The following CDH13 variants were observed in gnomAD, a reference collection of about 807,000 sequenced individuals.
CDH13 encodes cadherin 13.
Under a neutral mutation model 63.8 loss-of-function variants are expected in CDH13, and 24 were observed. The observed-to-expected ratio is 0.38, with a 90% CI of 0.27 to 0.53. The LOEUF (loss-of-function observed/expected upper bound fraction) is 0.53. CDH13 is among the 20% of genes least tolerant of loss of function. The pLI, the probability that CDH13 is intolerant of heterozygous loss-of-function variation, is 0.85. For synonymous variants in CDH13, 503 were observed against 355.3 expected (o/e 1.42, Z -4.67); for missense variants, 1,049 against 903.1 (o/e 1.16, Z -2.07).
chr16:83,583,014 C>G (rs1905774050), intron 7 of CDH13, among the ~76,000 whole-genome samples: 1 of 152,114 alleles, frequency 6.6e-6, no homozygotes, highest in Non-Finnish European at 1.5e-5. Context: ...CCCTGAAGTC[C>G]AAAATCAAAG....
At chr16:82,652,612 C>G (rs560783201) in intron 1 of CDH13, among the ~76,000 whole-genome samples, 3 of 148,872 alleles carry the variant, frequency 2.0e-5, no homozygotes, top group East Asian at 3.9e-4. Flanking sequence ...ATGAACCAAT[C>G]TAGAAAGATA....
intron 6 of CDH13, among the ~76,000 whole-genome samples, chr16:83,383,808 T>A (rs2091618357): frequency 6.6e-6 from 1 of 152,204 alleles, no homozygotes; most frequent in South Asian, 2.1e-4. Flanking sequence ...ATTGAGTGAC[T>A]TCCTCAAGGA....
At chr16:83,659,250 C>T (rs963877151) in intron 8 of CDH13, among the ~76,000 whole-genome samples, 1 of 150,244 alleles carries the variant, frequency 6.7e-6, no homozygotes, top group Non-Finnish European at 1.5e-5. Context: ...GTCCTCACCA[C>T]CAGGTCCCAT....
At chr16:83,485,929 G>C (rs545323848) in intron 6 of CDH13, among the ~76,000 whole-genome samples, 2 of 152,234 alleles carry the variant, frequency 1.3e-5, no homozygotes, top group African/African-American at 4.8e-5. Context: ...GATCAGCTGA[G>C]GTCAGGAGTT....
At chr16:83,519,053 G>A (rs575340484) in intron 7 of CDH13, among the ~76,000 whole-genome samples, 42 of 152,268 alleles carry the variant, frequency 2.8e-4, no homozygotes, top group Non-Finnish European at 5.0e-4. Context: ...TCTCAGATTC[G>A]CTAAACTTTA....
intron 1 of CDH13, among the ~76,000 whole-genome samples, chr16:82,633,120 G>A (rs993346019): frequency 6.6e-6 from 1 of 152,186 alleles, no homozygotes; most frequent in African/African-American, 2.4e-5. Context: ...ATTTCTAACA[G>A]GCCATGGACT....
chr16:82,863,435 A>G (rs1400701630), intron 2 of CDH13, among the ~76,000 whole-genome samples: 16 of 152,218 alleles, frequency 1.1e-4, no homozygotes, highest in Admixed American at 1.0e-3. Flanking sequence ...ACTGTGGTTA[A>G]GATCACACAG....
chr16:82,638,294 T>G (rs1275877216), intron 1 of CDH13, among the ~76,000 whole-genome samples: 1 of 152,190 alleles, frequency 6.6e-6, no homozygotes, highest in Non-Finnish European at 1.5e-5. Flanking sequence ...TTGGACTGCT[T>G]AGGGACTGCT....
intron 1 of CDH13, among the ~76,000 whole-genome samples, chr16:82,787,841 A>AGTGTGTGTATGTGTGTGTGTGTGT (rs1555516778): frequency 6.8e-6 from 1 of 146,654 alleles, no homozygotes; most frequent in Non-Finnish European, 1.5e-5. Flanking sequence ...GAAGGGAGGA[A>AGTGTGTGTATGTGTGTGTGTGTGT]GTGTGTGTGT....
At chr16:82,851,607 A>G (rs2039490334) in intron 1 of CDH13, among the ~76,000 whole-genome samples, 1 of 151,978 alleles carries the variant, frequency 6.6e-6, no homozygotes, top group Admixed American at 6.6e-5. Flanking sequence ...GGGCTGTAAA[A>G]CACCAGGAAC....
intron 3 of CDH13, among the ~76,000 whole-genome samples, chr16:83,114,374 G>T (rs749705926): frequency 6.6e-6 from 1 of 152,118 alleles, no homozygotes. Context: ...TTCTAACAAT[G>T]ACTTGCACCC....
At chr16:82,634,737 G>A (rs1384653973) in intron 1 of CDH13, among the ~76,000 whole-genome samples, 1 of 152,186 alleles carries the variant, frequency 6.6e-6, no homozygotes, top group Non-Finnish European at 1.5e-5. Flanking sequence ...TAAAGTTACA[G>A]CCAAAGAGGC....
At chr16:83,437,391 G>A (rs1199996863) in intron 6 of CDH13, among the ~76,000 whole-genome samples, 1 of 152,066 alleles carries the variant, frequency 6.6e-6, no homozygotes, top group African/African-American at 2.4e-5. Flanking sequence ...TAAGATAAAG[G>A]CTGGCCGGGT....
chr16:83,738,712 C>G (rs9924510), intron 10 of CDH13, among the ~76,000 whole-genome samples: 3 of 151,960 alleles, frequency 2.0e-5, no homozygotes, highest in Non-Finnish European at 4.4e-5. Context: ...CTGAGACCAG[C>G]CTGGCCAACA....
intron 1 of CDH13, among the ~76,000 whole-genome samples, chr16:82,649,974 G>T (rs1380396220): frequency 6.6e-6 from 1 of 152,134 alleles, no homozygotes; most frequent in Non-Finnish European, 1.5e-5. Flanking sequence ...ACTGTGTAGG[G>T]ATCCTGTTGC....
intron 6 of CDH13, among the ~76,000 whole-genome samples, chr16:83,409,504 G>A (rs776836782): frequency 6.6e-5 from 10 of 152,234 alleles, no homozygotes; most frequent in Non-Finnish European, 1.2e-4. Flanking sequence ...GACATGTAGA[G>A]TTCAAGCAAC....
chr16:83,584,332 A>C (rs1456699595), intron 7 of CDH13, among the ~76,000 whole-genome samples: 1 of 152,180 alleles, frequency 6.6e-6, no homozygotes, highest in East Asian at 1.9e-4. Context: ...GCATCTCAAA[A>C]ATTTTTAAAA....
intron 1 of CDH13, among the ~76,000 whole-genome samples, chr16:82,746,291 G>T (rs1263302794): frequency 8.5e-6 from 1 of 117,014 alleles, no homozygotes; most frequent in African/African-American, 3.0e-5. Flanking sequence ...TATGTATGAT[G>T]CATGTATATA....
At chr16:83,715,730 A>T (rs892200104) in intron 10 of CDH13, among the ~76,000 whole-genome samples, 1 of 152,154 alleles carries the variant, frequency 6.6e-6, no homozygotes, top group South Asian at 2.1e-4. Context: ...CCAGGCCAGG[A>T]GTCAGAGTTG....
Sources: gnomAD v4.1 joint callset for allele counts (sites outside exome capture counted in the v4.1 genomes callset) on GRCh38, gnomAD v4.1.1 for gene constraint, MANE v1.5 for transcripts, NCBI Gene and HGNC (gene_info 2026-07-23, HGNC 2026-07-21) for gene names.